The following SHROOM3 variants were observed in gnomAD, a reference collection of about 807,000 sequenced individuals.
The protein encoded by SHROOM3 is protein Shroom3.
A neutral mutation model predicts 138.6 loss-of-function variants in SHROOM3; 47 were observed. That is an observed-to-expected ratio of 0.34 (90% CI 0.27 to 0.43). The LOEUF is 0.43. SHROOM3 is among the 20% of genes least tolerant of loss of function. The probability of loss-of-function intolerance (pLI) is 1.00; values close to 1 mark genes in which losing one functional copy is unlikely to be tolerated. For missense variants in SHROOM3, 2,491 were observed against 2,596.5 expected (o/e 0.96, Z 0.88); for synonymous variants, 1,062 against 1,063.3 (o/e 1.00, Z 0.02).
intron 3 of SHROOM3, among the ~76,000 whole-genome samples, chr4:76,724,862 G>A (rs1381204217): frequency 1.3e-5 from 2 of 152,120 alleles, no homozygotes; most frequent in East Asian, 3.8e-4. Context: ...TCTTTTGATG[G>A]GTATGTTATT....
chr4:76,469,148 C>T (rs528196625), intron 1 of SHROOM3, among the ~76,000 whole-genome samples: 1 of 152,000 alleles, frequency 6.6e-6, no homozygotes, highest in Non-Finnish European at 1.5e-5. Flanking sequence ...TTGCAGTGAA[C>T]CAAGATCACA....
At chr4:76,513,922 T>A (rs1732392298) in intron 1 of SHROOM3, among the ~76,000 whole-genome samples, 1 of 152,198 alleles carries the variant, frequency 6.6e-6, no homozygotes, top group South Asian at 2.1e-4. Context: ...CTGCTACAGT[T>A]CCTGGAGTAG....
At chr4:76,750,916 A>G (rs188580092) in intron 6 of SHROOM3, among the ~76,000 whole-genome samples, 4 of 152,304 alleles carry the variant, frequency 2.6e-5, no homozygotes, top group Non-Finnish European at 4.4e-5. Context: ...TTCTTCAGCA[A>G]TTGACATTAG....
At chr4:76,707,428 AT>A (rs1279767267) in intron 2 of SHROOM3, among the ~76,000 whole-genome samples, 1 of 152,184 alleles carries the variant, frequency 6.6e-6, no homozygotes, top group Non-Finnish European at 1.5e-5. Flanking sequence ...TGGGAATAAT[AT>A]CTGGCACATG....
chr4:76,436,367 T>A (rs1240769893), intron 1 of SHROOM3, 147 bp downstream of exon 1: 1 of 931,892 alleles, frequency 1.1e-6, no homozygotes, highest in African/African-American at 1.7e-5. Context: ...ATATTTTGGA[T>A]AGCCTGGGAT....
intron 1 of SHROOM3, among the ~76,000 whole-genome samples, chr4:76,465,702 G>T (rs1171806936): frequency 2.0e-5 from 3 of 152,058 alleles, no homozygotes; most frequent in Admixed American, 6.6e-5. Flanking sequence ...TTCCACCTTG[G>T]CATCTGTATC....
intron 1 of SHROOM3, among the ~76,000 whole-genome samples, chr4:76,472,704 T>C (rs1731399604): frequency 6.6e-6 from 1 of 152,096 alleles, no homozygotes; most frequent in African/African-American, 2.4e-5. Context: ...TCTTTCTTTT[T>C]TTTTTTTGTG....
intron 9 of SHROOM3, among the ~76,000 whole-genome samples, chr4:76,762,224 A>G (rs1030072665): frequency 6.6e-6 from 1 of 152,240 alleles, no homozygotes; most frequent in Non-Finnish European, 1.5e-5. Flanking sequence ...ATTAACTGAC[A>G]TATATGAATG....
chr4:76,472,931 G>A (rs1731408352), intron 1 of SHROOM3, among the ~76,000 whole-genome samples: 1 of 152,126 alleles, frequency 6.6e-6, no homozygotes, highest in Non-Finnish European at 1.5e-5. Flanking sequence ...CTGACCTTGT[G>A]ATCCGCCCAC....
intron 2 of SHROOM3, among the ~76,000 whole-genome samples, chr4:76,584,841 G>A (rs1734120577): frequency 2.6e-5 from 4 of 152,026 alleles, no homozygotes; most frequent in Admixed American, 2.6e-4. Flanking sequence ...TAAGAACAGT[G>A]CTTTCCTAAG....
chr4:76,775,727 CAT>C (rs989424318), intron 10 of SHROOM3, among the ~76,000 whole-genome samples: 15 of 150,468 alleles, frequency 1.0e-4, no homozygotes, highest in Admixed American at 5.3e-4. Flanking sequence ...TGTATATACA[CAT>C]ATATACACAT....
rs1722752114 is a variant in SHROOM3 at position 76,782,268 on chromosome 4, T to C, written c.*3091T>C. ...TTTCCTTTGCTCTATGGGAACATTTTAGGGTTTGTTTTGCACAGCTGGTTT... is the reference window on the plus strand; with the variant it reads ...TTTCCTTTGCTCTATGGGAACATTTCAGGGTTTGTTTTGCACAGCTGGTTT... On this transcript the variant is annotated 3_prime_UTR_variant, in exon 11 of 11. Transcript: ENST00000296043. The C allele has an allele frequency of 6.6e-6, 1 of 152,192 alleles. No individual in the cohort carries two copies. The highest frequency in any genetic ancestry group is 6.5e-5 in the Admixed American group (1 of 15,282). 9.4% of individuals were successfully genotyped at this position (152,192 alleles called of 1,614,324 possible).
At chr4:76,596,120 C>T (rs1056276306) in intron 2 of SHROOM3, among the ~76,000 whole-genome samples, 1 of 152,116 alleles carries the variant, frequency 6.6e-6, no homozygotes, top group Non-Finnish European at 1.5e-5. Context: ...ATGATGGACC[C>T]CATGCATGAC....
chr4:76,444,678 T>C (rs1279829013), intron 1 of SHROOM3, among the ~76,000 whole-genome samples: 1 of 151,398 alleles, frequency 6.6e-6, no homozygotes, highest in African/African-American at 2.4e-5. Flanking sequence ...GTATTTTTAG[T>C]AGAGATGGGG....
chr4:76,700,115 A>G (rs1191139596), intron 2 of SHROOM3, among the ~76,000 whole-genome samples: 1 of 152,342 alleles, frequency 6.6e-6, no homozygotes, highest in East Asian at 1.9e-4. Context: ...ATATGGGGCC[A>G]AGGAAGAAAG....
At chr4:76,563,809 T>C (rs1733645491) in intron 2 of SHROOM3, among the ~76,000 whole-genome samples, 1 of 152,156 alleles carries the variant, frequency 6.6e-6, no homozygotes, top group South Asian at 2.1e-4. Context: ...CTACCTCTCC[T>C]GGACACAGAA....
chr4:76,724,729 A>G (rs932221077), intron 3 of SHROOM3, among the ~76,000 whole-genome samples: 4 of 152,154 alleles, frequency 2.6e-5, no homozygotes, highest in Non-Finnish European at 5.9e-5. Context: ...GTAACAATAT[A>G]TTTGGAGATA....
chr4:76,685,861 C>T (rs567925241), intron 2 of SHROOM3, among the ~76,000 whole-genome samples: 5 of 152,158 alleles, frequency 3.3e-5, no homozygotes, highest in African/African-American at 1.2e-4. Context: ...ACCTGTAATC[C>T]CAGCTACTCG....
chr4:76,695,990 A>G lies in SHROOM3; in HGVS notation c.324-14166A>G, dbSNP rs114806501. The stretch of plus-strand genomic sequence containing the variant: ...TGTTGCTTGCAGCCCTGTATTTGAA[A>G]GAGTGCCACTGTGTACCAATTATGT... On this transcript the variant is annotated intron_variant, in intron 2 of 10. Coordinates refer to ENST00000296043, the MANE Select transcript of SHROOM3 (RefSeq NM_020859.4). 4.5e-3 allele frequency among the ~76,000 whole-genome samples: 682 copies of G among 152,358 alleles called. 5 individuals carry two copies. The highest frequency in any genetic ancestry group is 0.015 in the African/African-American group (632 of 41,586).
Sources: allele counts gnomAD v4.1 joint callset (sites outside exome capture counted in the v4.1 genomes callset), GRCh38; gene constraint gnomAD v4.1.1; transcripts MANE v1.5; gene names NCBI Gene and HGNC (gene_info 2026-07-23, HGNC 2026-07-21).